XIAP: variants seen among roughly 807,000 people sequenced by gnomAD.
XIAP encodes the protein X-linked inhibitor of apoptosis.
Under a neutral mutation model 33.1 loss-of-function variants are expected in XIAP, and 3 were observed. The ratio of observed to expected loss-of-function variants is 0.09; its 90% CI spans 0.04 to 0.23. The LOEUF (loss-of-function observed/expected upper bound fraction) is 0.23. Among genes scored for constraint, XIAP ranks in the 10% least tolerant of loss-of-function variants. The pLI, the probability that XIAP is intolerant of heterozygous loss-of-function variation, is 1.00. For synonymous variants in XIAP, 98 were observed against 121.3 expected, an observed-to-expected ratio of 0.81 and a Z score of 1.26; for missense variants, 264 against 363.0, an observed-to-expected ratio of 0.73 and a Z score of 2.22.
At chrX:123,905,860 T>C (rs934168934) in intron 6 of XIAP, among the ~76,000 whole-genome samples, 2 of 112,378 alleles carry the variant, frequency 1.8e-5, no homozygotes, top group Admixed American at 9.5e-5. Context: ...TGCCCTGTCC[T>C]GGATGACAGT....
chrX:123,886,329 C>T lies in XIAP; in HGVS notation c.667C>T (p.His223Tyr), dbSNP rs1229008261. 1 of 1,210,417 alleles carries T rather than the reference C, an allele frequency of 8.3e-7. No individual in the cohort carries two copies. Among genetic ancestry groups the T allele is most frequent in the Non-Finnish European group, 1.1e-6 (1 of 895,439 alleles). ...TCGTGCCTGGTCAGAACACAGGCGA[C>T]ACTTTCCTAATTGCTTCTTTGTTTT... ...CDRAWSEHRR[H>Y]FPNCFFVLGR... Residue 223 changes from histidine to tyrosine, a missense_variant, in exon 2 of 7, where the codon CAC becomes TAC. Coordinates refer to ENST00000371199, the MANE Select transcript of XIAP (RefSeq NM_001167.4).
Position 123,907,479 on chromosome X carries a change from C to CTA in XIAP, c.*299_*300dup, listed in dbSNP as rs2053563994. 1.8e-5 allele frequency: 7 copies of CTA among 396,971 alleles called. No homozygotes were observed. The highest frequency in any genetic ancestry group is 3.2e-5 in the Non-Finnish European group (7 of 220,536). The allele number at this position is 396,971 out of a possible 1,213,427, so 32.7% of individuals were successfully genotyped here. ...TATTCATAGTATACTGATTTAATTTCTAAGTGTAAGTGAATTAATCATCTG... is the reference window on the plus strand; with the variant it reads ...TATTCATAGTATACTGATTTAATTTCTATAAGTGTAAGTGAATTAATCATCTG... On this transcript the variant is annotated 3_prime_UTR_variant, in exon 7 of 7. Coordinates refer to ENST00000371199, the MANE Select transcript of XIAP (RefSeq NM_001167.4).
At chrX:123,891,368 AT>A in intron 4 of XIAP, 52 bp downstream of exon 4, 5 of 615,654 alleles carry the variant, frequency 8.1e-6, no homozygotes, top group Non-Finnish European at 1.3e-5. Flanking sequence ...ATTATAATTT[AT>A]ATTTTCATTA....
At chrX:123,893,755 C>T (rs1292698296) in intron 5 of XIAP, among the ~76,000 whole-genome samples, 2 of 111,389 alleles carry the variant, frequency 1.8e-5, no homozygotes, top group African/African-American at 3.3e-5. Flanking sequence ...GCGGGAGAAT[C>T]GCTTGAACCT....
chrX:123,890,008 T>G (rs1473245259), intron 3 of XIAP, among the ~76,000 whole-genome samples: 4 of 50,952 alleles, frequency 7.9e-5, no homozygotes, highest in African/African-American at 4.0e-4. Flanking sequence ...TTTTTTTTTT[T>G]TTTTTTTTTT....
intron 5 of XIAP, among the ~76,000 whole-genome samples, chrX:123,894,930 C>T (rs937541640): frequency 9.5e-6 from 1 of 105,221 alleles, no homozygotes; most frequent in African/African-American, 3.5e-5. Context: ...GGTGATGGAC[C>T]GAGATTCTAT....
At position 123,911,066 on chromosome X, in the gene XIAP, AC is replaced by A. The variant is rs1569480384; in HGVS notation, c.*3888del. ...TGTAAATATGAACTCCCATCCTAAT[AC>A]CCTTTTACCTCTCTGTGGGTTTGTC... On this transcript the variant is annotated 3_prime_UTR_variant, in exon 7 of 7. Transcript: ENST00000371199. 1 of 328,107 alleles carries A rather than the reference AC, an allele frequency of 3.0e-6. No individual in the cohort carries two copies. Among genetic ancestry groups the A allele is most frequent in the South Asian group, 2.6e-5 (1 of 38,397 alleles). 27.0% of individuals were successfully genotyped at this position (328,107 alleles called of 1,213,427 possible).
chrX:123,902,152 T>G (rs1249518997), intron 6 of XIAP, among the ~76,000 whole-genome samples: 1 of 112,223 alleles, frequency 8.9e-6, no homozygotes, highest in African/African-American at 3.2e-5. Context: ...TTTTCAAACC[T>G]TAATGTATCT....
At chrX:123,882,464 G>A (rs771816622) in intron 1 of XIAP, among the ~76,000 whole-genome samples, 36 of 111,311 alleles carry the variant, frequency 3.2e-4, no homozygotes, top group Non-Finnish European at 4.9e-4. Flanking sequence ...AATATCCTTC[G>A]CTATTCCAAC....
intron 1 of XIAP, among the ~76,000 whole-genome samples, chrX:123,863,498 G>A (rs1431089413): frequency 9.0e-6 from 1 of 111,474 alleles, no homozygotes; most frequent in Non-Finnish European, 1.9e-5. Context: ...GTGATTAGGA[G>A]TTCAGCTGTC....
intron 5 of XIAP, among the ~76,000 whole-genome samples, chrX:123,896,747 A>G (rs896188020): frequency 9.7e-6 from 1 of 103,614 alleles, no homozygotes; most frequent in Non-Finnish European, 2.0e-5. Context: ...TGGCTGGCTA[A>G]TTTTTTTTGT....
At chrX:123,891,375 C>CAA in intron 4 of XIAP, 59 bp downstream of exon 4, 1 of 568,810 alleles carries the variant, frequency 1.8e-6, no homozygotes, top group Non-Finnish European at 2.8e-6. Context: ...TTTATATTTT[C>CAA]ATTATGTAGT....
chrX:123,870,437 TACTTTGTGTCATTTAAAAA>T (rs2053183902), intron 1 of XIAP, among the ~76,000 whole-genome samples: 2 of 112,196 alleles, frequency 1.8e-5, no homozygotes, highest in Non-Finnish European at 3.7e-5. Flanking sequence ...CAGTTTCCTT[TACTTTGTGTCATTTAAAAA>T]AATTAAAACC....
intron 1 of XIAP, among the ~76,000 whole-genome samples, chrX:123,862,172 G>A (rs2053086496): frequency 9.2e-6 from 1 of 109,090 alleles, no homozygotes; most frequent in Non-Finnish European, 1.9e-5. Flanking sequence ...CCGCCTCCTG[G>A]GTTCAAGCTA....
intron 1 of XIAP, among the ~76,000 whole-genome samples, chrX:123,867,879 T>G (rs2053158385): frequency 9.0e-6 from 1 of 110,594 alleles, no homozygotes; most frequent in African/African-American, 3.3e-5. Flanking sequence ...TTTTACCATG[T>G]TGGCCAGGCT....
At chrX:123,866,597 T>C (rs890844537) in intron 1 of XIAP, among the ~76,000 whole-genome samples, 77 of 102,511 alleles carry the variant, frequency 7.5e-4, no homozygotes, top group African/African-American at 2.4e-3. Context: ...ACATGTATAA[T>C]ATATTATATA....
rs1330516966 is a variant in XIAP, at chrX:123,885,934, G to A, written c.272G>A (p.Arg91Lys). Residue 91 changes from arginine to lysine, a missense_variant, in exon 2 of 7, where the codon AGA becomes AAA. Transcript: ENST00000371199. ...CACAGGAAAGTATCCCCAAATTGCA[G>A]ATTTATCAACGGCTTTTATCTTGAA... ...GRHRKVSPNC[R>K]FINGFYLENS... 8 of 1,210,051 alleles carry A rather than the reference G, an allele frequency of 6.6e-6. No homozygotes were observed. The highest frequency in any genetic ancestry group is 2.3e-4 in the Middle Eastern group (1 of 4,374).
intron 6 of XIAP, among the ~76,000 whole-genome samples, chrX:123,902,035 A>G (rs1051340584): frequency 8.1e-5 from 9 of 111,689 alleles, no homozygotes. Context: ...GGTTTCGCCA[A>G]GTTGGCCGGG....
At chrX:123,889,113 A>G (rs1304354352) in intron 3 of XIAP, among the ~76,000 whole-genome samples, 3 of 73,334 alleles carry the variant, frequency 4.1e-5, no homozygotes, top group East Asian at 4.0e-4. Flanking sequence ...TTTTTTTGAT[A>G]TGGAGTCTCA....
Sources: gnomAD v4.1 joint callset for allele counts (sites outside exome capture counted in the v4.1 genomes callset) on GRCh38, gnomAD v4.1.1 for gene constraint, MANE v1.5 for transcripts, NCBI Gene and HGNC (gene_info 2026-07-23, HGNC 2026-07-21) for gene names.